The following GABPA variants were observed in gnomAD, a reference collection of about 807,000 sequenced individuals.
GABPA encodes the protein GA binding protein transcription factor subunit alpha.
In GABPA, 4 loss-of-function variants were observed where a neutral mutation model predicts 59.4. The ratio of observed to expected loss-of-function variants is 0.07; its 90% confidence interval spans 0.03 to 0.15. The LOEUF (loss-of-function observed/expected upper bound fraction) is 0.15. Ranked by LOEUF, GABPA falls within the 10% of genes least tolerant of loss-of-function variation. GABPA has a pLI of 1.00. For synonymous variants in GABPA, 164 were observed against 183.1 expected, an observed-to-expected ratio of 0.90 and a Z score of 0.84; for missense variants, 251 against 543.8, an observed-to-expected ratio of 0.46 and a Z score of 5.36.
intron 1 of GABPA, among the ~76,000 whole-genome samples, chr21:25,739,054 C>A (rs1234857596): frequency 6.6e-6 from 1 of 152,134 alleles, no homozygotes; most frequent in East Asian, 1.9e-4. Context: ...TGCTTGTGAA[C>A]GGAGCCTGCG....
intron 2 of GABPA, 36 bp downstream of exon 2, chr21:25,741,711 T>C: frequency 1.5e-6 from 2 of 1,342,860 alleles, no homozygotes; most frequent in Non-Finnish European, 2.1e-6. Context: ...TTTTTCAAAA[T>C]ATCAATATAC....
At position 25,769,428 on chromosome 21, in the gene GABPA, T is replaced by C; in HGVS notation, c.*196T>C. On this transcript the variant is annotated 3_prime_UTR_variant, in exon 10 of 10. Coordinates refer to ENST00000400075, the MANE Select transcript of GABPA (RefSeq NM_002040.4). ...GAGCATATATTTTAGAATATGTGTATGTTAAAGGATCTCCACAATGTCTGC... is the reference window on the plus strand; with the variant it reads ...GAGCATATATTTTAGAATATGTGTACGTTAAAGGATCTCCACAATGTCTGC... 3.8e-6 allele frequency: 2 copies of C among 526,424 alleles called. No individual in the cohort carries two copies. The highest frequency in any genetic ancestry group is 6.8e-6 in the Non-Finnish European group (2 of 293,996). 32.6% of individuals were successfully genotyped at this position (526,424 alleles called of 1,614,324 possible).
At chr21:25,745,451 G>C in intron 3 of GABPA, 97 bp downstream of exon 3, 1 of 1,161,060 alleles carries the variant, frequency 8.6e-7, no homozygotes, top group Non-Finnish European at 1.2e-6. Flanking sequence ...CTTTATCTCT[G>C]TAAGAAGATT....
At chr21:25,745,406 A>G (rs746100439) in intron 3 of GABPA, 52 bp downstream of exon 3, 4 of 1,551,044 alleles carry the variant, frequency 2.6e-6, no homozygotes, top group South Asian at 1.1e-5. Flanking sequence ...CTGCATAGGA[A>G]TATTTTTTGT....
At chr21:25,760,272 A>G (rs1214162135) in intron 6 of GABPA, among the ~76,000 whole-genome samples, 2 of 152,168 alleles carry the variant, frequency 1.3e-5, no homozygotes, top group Admixed American at 1.3e-4. Context: ...TAGAATTCAC[A>G]AGTCTTACTT....
intron 3 of GABPA, among the ~76,000 whole-genome samples, chr21:25,745,887 T>TAA (rs2035350284): frequency 6.6e-6 from 1 of 152,232 alleles, no homozygotes; most frequent in Non-Finnish European, 1.5e-5. Context: ...GAGTCATATT[T>TAA]TACAGTATGT....
chr21:25,734,985 T>C lies in GABPA; in HGVS notation c.-620T>C, dbSNP rs894523632. 2.6e-6 allele frequency: 4 copies of C among 1,557,820 alleles called. No individual in the cohort carries two copies. In the African/African-American group the frequency reaches 5.4e-5, roughly 21 times the overall value. ...GGCCGCCGTTTCAGTCGGTCGACGC[T>C]CACCGGACAGGAAGCGTCTCGGAGA... On this transcript the variant is annotated 5_prime_UTR_variant, in exon 1 of 10. Coordinates refer to ENST00000400075, the MANE Select transcript of GABPA (RefSeq NM_002040.4).
At chr21:25,765,631 CT>C (rs1327220777) in intron 9 of GABPA, among the ~76,000 whole-genome samples, 1 of 151,800 alleles carries the variant, frequency 6.6e-6, no homozygotes, top group Admixed American at 6.6e-5. Flanking sequence ...CTGAATGACC[CT>C]TTTTTTCTCA....
intron 1 of GABPA, among the ~76,000 whole-genome samples, chr21:25,740,368 G>A (rs1484940885): frequency 3.3e-5 from 5 of 152,190 alleles, no homozygotes; most frequent in African/African-American, 1.2e-4. Context: ...TTAGTGGAGC[G>A]TTCCTTTTAA....
intron 5 of GABPA, among the ~76,000 whole-genome samples, chr21:25,757,260 C>T (rs975709579): frequency 2.6e-5 from 4 of 151,966 alleles, no homozygotes; most frequent in Non-Finnish European, 5.9e-5. Context: ...CTATTAGGTG[C>T]GGGTGATACA....
chr21:25,761,456 T>C (rs1168251655), intron 6 of GABPA, among the ~76,000 whole-genome samples: 1 of 152,066 alleles, frequency 6.6e-6, no homozygotes, highest in Admixed American at 6.6e-5. Flanking sequence ...CTGACCTCTT[T>C]TTACTTCCCC....
intron 5 of GABPA, 21 bp downstream of exon 5, chr21:25,752,255 A>G (rs778490352): frequency 3.7e-6 from 6 of 1,610,498 alleles, no homozygotes; most frequent in African/African-American, 2.7e-5. Flanking sequence ...GCATAATTCT[A>G]TATTGGGTAG....
At chr21:25,761,212 C>T (rs2035757997) in intron 6 of GABPA, among the ~76,000 whole-genome samples, 1 of 152,100 alleles carries the variant, frequency 6.6e-6, no homozygotes, top group Non-Finnish European at 1.5e-5. Flanking sequence ...CTGTTTTGTG[C>T]ACTGTGCTTT....
chr21:25,741,802 ATTGTT>A (rs1227912707), intron 2 of GABPA, 127 bp downstream of exon 2: 11 of 571,158 alleles, frequency 1.9e-5, no homozygotes, highest in Non-Finnish European at 3.1e-5. Flanking sequence ...GGAATAATGT[ATTGTT>A]TTATTTCCTC....
chr21:25,759,495 G>A (rs111760796), intron 6 of GABPA, among the ~76,000 whole-genome samples: 23 of 152,148 alleles, frequency 1.5e-4, no homozygotes, highest in African/African-American at 5.6e-4. Flanking sequence ...CACTTGAGAT[G>A]AGGAGTTGAA....
intron 6 of GABPA, among the ~76,000 whole-genome samples, 188 bp downstream of exon 6, chr21:25,758,392 G>A (rs970696740): frequency 1.3e-5 from 2 of 152,110 alleles, no homozygotes; most frequent in Non-Finnish European, 2.9e-5. Context: ...AACACCATAA[G>A]TCATTACTTT....
intron 5 of GABPA, among the ~76,000 whole-genome samples, chr21:25,756,727 C>G (rs970103446): frequency 6.6e-6 from 1 of 152,136 alleles, no homozygotes; most frequent in African/African-American, 2.4e-5. Flanking sequence ...TCTTTACCCT[C>G]TTGTATCTTG....
chr21:25,750,135 A>G (rs2123521803), intron 4 of GABPA, among the ~76,000 whole-genome samples: 1 of 152,284 alleles, frequency 6.6e-6, no homozygotes, highest in Non-Finnish European at 1.5e-5. Context: ...AAATTCTCAT[A>G]AGGAACACGC....
At chr21:25,750,539 C>G (rs1313734181) in intron 4 of GABPA, among the ~76,000 whole-genome samples, 1 of 152,168 alleles carries the variant, frequency 6.6e-6, no homozygotes, top group Non-Finnish European at 1.5e-5. Context: ...TTTTACTAAA[C>G]TTGTATAAGT....
Sources: gnomAD v4.1 joint callset for allele counts (sites outside exome capture counted in the v4.1 genomes callset) on GRCh38, gnomAD v4.1.1 for gene constraint, MANE v1.5 for transcripts, NCBI Gene and HGNC (gene_info 2026-07-23, HGNC 2026-07-21) for gene names.